DNAJC10: variants seen among roughly 807,000 people sequenced by gnomAD.
DNAJC10 encodes the protein DnaJ heat shock protein family (Hsp40) member C10, also known as endoplasmic reticulum disulfide reductase DNAJC10.
Under a neutral mutation model 115.0 loss-of-function variants are expected in DNAJC10, and 101 were observed. That is an observed-to-expected ratio of 0.88 (90% CI 0.75 to 1.04). DNAJC10 has a LOEUF of 1.04. Among genes scored for constraint, DNAJC10 ranks in the 50% least tolerant of loss-of-function variants. The pLI is 0.00. For missense variants in DNAJC10, 981 were observed against 928.8 expected, an observed-to-expected ratio of 1.06 and a Z score of -0.73; for synonymous variants, 307 against 301.5, an observed-to-expected ratio of 1.02 and a Z score of -0.19.
At chr2:182,756,254 G>A (rs973064073) in intron 17 of DNAJC10, 60 bp from the exon 18 acceptor site, 85 of 1,355,436 alleles carry the variant, frequency 6.3e-5, no homozygotes, top group Non-Finnish European at 8.2e-5. Flanking sequence ...CAATTTGCCA[G>A]GAATATATGA....
At chr2:182,762,351 C>T (rs1236072530) in intron 21 of DNAJC10, among the ~76,000 whole-genome samples, 1 of 151,946 alleles carries the variant, frequency 6.6e-6, no homozygotes, top group African/African-American at 2.4e-5. Context: ...CCACAGCACA[C>T]CCCCAGTGAA....
chr2:182,772,707 T>C (rs980446593), intron 22 of DNAJC10, among the ~76,000 whole-genome samples: 4 of 152,224 alleles, frequency 2.6e-5, no homozygotes, highest in African/African-American at 9.6e-5. Context: ...TCTTCCTCCA[T>C]CCCTTTATTT....
chr2:182,736,854 A>C (rs1388915063), intron 11 of DNAJC10, among the ~76,000 whole-genome samples: 6 of 152,032 alleles, frequency 3.9e-5, no homozygotes, highest in Admixed American at 3.9e-4. Flanking sequence ...GGTTCAAGTG[A>C]TTCTTCTGCC....
intron 10 of DNAJC10, 27 bp downstream of exon 10, chr2:182,732,569 A>G (rs768334343): frequency 1.0e-5 from 16 of 1,606,010 alleles, no homozygotes; most frequent in Admixed American, 1.7e-5. Context: ...TTGTAAAACT[A>G]TATCACCATG....
In DNAJC10 at chr2:182,741,300, T is replaced by C; in HGVS notation, c.1135T>C (p.Ser379Pro). The change falls in exon 13 of 24, where the codon TCA becomes CCA. Residue 379 changes from serine (S) to proline (P), a missense_variant. Ser to Pro is a moderately conservative substitution (Grantham distance 74). Transcript: ENST00000264065. The part of the protein sequence containing the change: ...LFFHFGKNEN[S>P]NDPELKKLKT... ...TTTTCATTTTGGAAAAAATGAAAAT[T>C]CAAATGATCCTGAGCTGAAAAAACT... 6.2e-7 allele frequency: 1 copy of C among 1,605,914 alleles called. No homozygotes were observed. Among genetic ancestry groups the C allele is most frequent in the African/African-American group, 1.3e-5 (1 of 74,390 alleles).
chr2:182,774,201 CT>C (rs1694643372), intron 22 of DNAJC10, among the ~76,000 whole-genome samples: 2 of 152,180 alleles, frequency 1.3e-5, no homozygotes, highest in Non-Finnish European at 1.5e-5. Flanking sequence ...ATATTGCTGC[CT>C]GATGCTTCCT....
Position 182,787,562 on chromosome 2 carries a change from A to C in DNAJC10, c.*10430A>C, listed in dbSNP as rs191134406. On this transcript the variant is annotated 3_prime_UTR_variant, in exon 24 of 24. Coordinates refer to ENST00000264065, the MANE Select transcript of DNAJC10 (RefSeq NM_018981.4). ...GGTTAGCAGTCTTAACCTCTAACCAACTGAACAAATCGAAGACATTTAATT... is the reference window on the plus strand; with the variant it reads ...GGTTAGCAGTCTTAACCTCTAACCACCTGAACAAATCGAAGACATTTAATT... 1 of 152,200 alleles carries C rather than the reference A, an allele frequency of 6.6e-6. No homozygotes were observed. The highest frequency in any genetic ancestry group is 3.1e-3 in the Middle Eastern group (1 of 318). 9.4% of individuals were successfully genotyped at this position (152,200 alleles called of 1,614,324 possible).
intron 17 of DNAJC10, among the ~76,000 whole-genome samples, chr2:182,755,702 A>G (rs1404988354): frequency 6.6e-6 from 1 of 152,138 alleles, no homozygotes; most frequent in Non-Finnish European, 1.5e-5. Context: ...AAGGTGTAGT[A>G]TCTCCAGTCA....
At chr2:182,749,202 G>T (rs1041797099) in intron 14 of DNAJC10, among the ~76,000 whole-genome samples, 2 of 139,120 alleles carry the variant, frequency 1.4e-5, no homozygotes, top group Non-Finnish European at 3.1e-5. Flanking sequence ...TTTAATTCCT[G>T]GGTATCCTTG....
chr2:182,774,817 ACC>A lies in DNAJC10; in HGVS notation c.2266-492_2266-491del, dbSNP rs56680666. ...CTTTGCACTTCCCGGGTGAGACAAC[ACC>A]CCCCCCAATCCCCGCCCTGGCGTCT... On this transcript the variant is annotated intron_variant, in intron 22 of 23. Transcript: ENST00000264065. 4.1e-3 allele frequency among the ~76,000 whole-genome samples: 630 copies of A among 151,956 alleles called. 26 individuals are homozygous for A. In the East Asian group the frequency reaches 0.099, roughly 24 times the overall value.
chr2:182,757,422 T>G (rs1014078797), intron 18 of DNAJC10, among the ~76,000 whole-genome samples: 3 of 152,220 alleles, frequency 2.0e-5, no homozygotes, highest in African/African-American at 7.2e-5. Context: ...ACTTTGAATT[T>G]TAGAAGTATA....
rs918456433 is a variant in DNAJC10 at position 182,723,945 on chromosome 2, T to TA, written c.418+1871dup. ...GGAATGAGCAGGAGCATTGTTGTGA[T>TA]AGAGAAGGACCCTCTAGTGAAGCTT... On this transcript the variant is annotated intron_variant, in intron 5 of 23. Coordinates refer to ENST00000264065, the MANE Select transcript of DNAJC10 (RefSeq NM_018981.4). 4.6e-5 allele frequency among the ~76,000 whole-genome samples: 7 copies of TA among 152,212 alleles called. No homozygotes were observed. In the East Asian group the frequency reaches 1.2e-3, roughly 25 times the overall value.
intron 5 of DNAJC10, 81 bp from the exon 6 acceptor site, chr2:182,728,495 C>A: frequency 1.1e-6 from 1 of 922,698 alleles, no homozygotes; most frequent in Non-Finnish European, 1.6e-6. Context: ...AAATTCTGAT[C>A]TCCACAAAAA....
chr2:182,722,610 T>C (rs1007279729), intron 5 of DNAJC10, among the ~76,000 whole-genome samples: 3 of 152,192 alleles, frequency 2.0e-5, no homozygotes, highest in Non-Finnish European at 2.9e-5. Flanking sequence ...AATTTCAATT[T>C]TATATTGCTC....
intron 2 of DNAJC10, among the ~76,000 whole-genome samples, chr2:182,717,334 G>GT (rs1323470796): frequency 6.6e-6 from 1 of 152,044 alleles, no homozygotes. Context: ...ACTTACAATT[G>GT]TTTTTCTACT....
intron 22 of DNAJC10, among the ~76,000 whole-genome samples, chr2:182,763,419 C>A (rs1218767033): frequency 1.3e-5 from 2 of 152,032 alleles, no homozygotes; most frequent in Admixed American, 1.3e-4. Flanking sequence ...TGAACGGGGG[C>A]AAGATAGCTC....
chr2:182,769,225 T>C (rs1266631647), intron 22 of DNAJC10, among the ~76,000 whole-genome samples: 2 of 152,222 alleles, frequency 1.3e-5, no homozygotes, highest in African/African-American at 2.4e-5. Flanking sequence ...CAGTCTATCA[T>C]TGATGTACTT....
At chr2:182,761,004 A>C (rs774512665) in intron 21 of DNAJC10, among the ~76,000 whole-genome samples, 35 of 152,170 alleles carry the variant, frequency 2.3e-4, no homozygotes, top group Non-Finnish European at 3.8e-4. Context: ...ATTATTAAAC[A>C]TGAAAAAGAC....
At position 182,777,667 on chromosome 2, in the gene DNAJC10, C is replaced by A. The variant is rs1469387719; in HGVS notation, c.*535C>A. ...TTGGTCACTTGTTCTCCTAAAAATG[C>A]TATCCCTAACCATATATTTATATTT... On this transcript the variant is annotated 3_prime_UTR_variant, in exon 24 of 24. Coordinates refer to ENST00000264065, the MANE Select transcript of DNAJC10 (RefSeq NM_018981.4). 6.6e-6 allele frequency: 1 copy of A among 152,162 alleles called. No individual in the cohort carries two copies. Among genetic ancestry groups the A allele is most frequent in the African/African-American group, 2.4e-5 (1 of 41,446 alleles). The allele number at this position is 152,162 out of a possible 1,614,324, so 9.4% of individuals were successfully genotyped here.
Sources: allele counts gnomAD v4.1 joint callset (sites outside exome capture counted in the v4.1 genomes callset), GRCh38; gene constraint gnomAD v4.1.1; transcripts MANE v1.5; gene names NCBI Gene and HGNC (gene_info 2026-07-23, HGNC 2026-07-21).